MACF1: variants seen among roughly 807,000 people sequenced by gnomAD.
MACF1 encodes microtubule-actin cross-linking factor 1.
Under a neutral mutation model 854.8 loss-of-function variants are expected in MACF1, and 193 were observed. That is an observed-to-expected ratio of 0.23 (90% CI 0.20 to 0.25). The LOEUF is 0.25. Among genes scored for constraint, MACF1 ranks in the 10% least tolerant of loss-of-function variants. The pLI is 1.00. For missense variants in MACF1, 7,722 were observed against 8,929.1 expected, an observed-to-expected ratio of 0.86 and a Z score of 5.45; for synonymous variants, 3,185 against 3,226.7, an observed-to-expected ratio of 0.99 and a Z score of 0.44.
At position 39,293,728 on chromosome 1, in the gene MACF1, A is replaced by G. The variant is rs1223923835; in HGVS notation, c.2154+109A>G. 7.2e-5 allele frequency: 73 copies of G among 1,020,118 alleles called. No individual in the cohort carries two copies. In the South Asian group the frequency reaches 1.3e-3, roughly 18 times the overall value. 63.2% of individuals were successfully genotyped at this position (1,020,118 alleles called of 1,614,324 possible). A position where few individuals can be genotyped will look rare whatever the true frequency, so the allele number is the denominator to read the frequency against. On this transcript the variant is annotated intron_variant, in intron 18 of 100. Transcript: ENST00000564288. ...TGGCTGGAGTTGCACTCTGCTAGAT[A>G]GAAATAGGGGCCCTACTCAATGCAT...
intron 89 of MACF1, chr1:39,456,980 TCCTTTTTAG>T (rs1393656431): frequency 2.0e-5 from 3 of 152,332 alleles, no homozygotes. Context: ...CTCTGACCGT[TCCTTTTTAG>T]CCTTTTTAGC....
intron 58 of MACF1, among the ~76,000 whole-genome samples, chr1:39,398,449 T>C (rs1642357445): frequency 6.6e-6 from 1 of 151,990 alleles, no homozygotes; most frequent in African/African-American, 2.4e-5. Flanking sequence ...CAGAGACATT[T>C]TTTATTGTTA....
At chr1:39,450,833 G>A (rs1268629087) in intron 84 of MACF1, among the ~76,000 whole-genome samples, 8 of 151,758 alleles carry the variant, frequency 5.3e-5, no homozygotes, top group African/African-American at 9.7e-5. Context: ...GGATGGTCTC[G>A]ATCTCCTGAC....
At position 39,292,041 on chromosome 1, in the gene MACF1, G is replaced by T; in HGVS notation, c.1914+3G>T. The T allele has an allele frequency of 1.2e-6, 2 of 1,613,664 alleles. No individual in the cohort carries two copies. The highest frequency in any genetic ancestry group is 1.3e-5 in the African/African-American group (1 of 75,044). ...TCAAGGAGGCCAGGTTGTATGAGGT[G>T]CGTAGCCTTCAGAATCCACATTACA... is the stretch of plus-strand genomic sequence containing the variant. On this transcript the variant is annotated splice_donor_region_variant and intron_variant, in intron 16 of 100. Transcript: ENST00000564288.
rs1159780460 is a variant in MACF1, at chr1:39,334,561, G to C, written c.7973G>C (p.Gly2658Ala). ...EVIPFSDIKDGVSDKVLTLSQ... is the reference protein window; with the variant it reads ...EVIPFSDIKDAVSDKVLTLSQ... ...ATTCCCTTCTCAGACATTAAAGATG[G>C]GGTGAGCGACAAAGTGCTTACATTG... Residue 2658 changes from glycine (G) to alanine (A), a missense_variant, in exon 37 of 101, where the codon GGG (glycine) becomes GCG (alanine). Transcript: ENST00000564288. 1 of 1,614,108 alleles carries C rather than the reference G, an allele frequency of 6.2e-7. No individual in the cohort carries two copies. The highest frequency in any genetic ancestry group is 1.1e-5 in the South Asian group (1 of 91,070).
At chr1:39,195,750 A>G (rs898448658) in intron 2 of MACF1, among the ~76,000 whole-genome samples, 1 of 152,190 alleles carries the variant, frequency 6.6e-6, no homozygotes, top group Non-Finnish European at 1.5e-5. Flanking sequence ...TAATTTGCTG[A>G]TAGGGAGAAA....
chr1:39,473,506 A>G (rs1158973803), intron 97 of MACF1, among the ~76,000 whole-genome samples: 2 of 152,230 alleles, frequency 1.3e-5, no homozygotes, highest in Non-Finnish European at 2.9e-5. Flanking sequence ...ATGAAAATTC[A>G]TGGATTTGCA....
At chr1:39,456,605 T>G (rs1160674320) in intron 89 of MACF1, 1 of 152,252 alleles carries the variant, frequency 6.6e-6, no homozygotes, top group Non-Finnish European at 1.5e-5. Context: ...GTACCTCCTC[T>G]CTGAGAGATT....
rs1404752211 is a variant in MACF1 at position 39,479,801 on chromosome 1, G to A, written c.21962G>A (p.Arg7321Gln). 3.1e-6 allele frequency: 5 copies of A among 1,613,636 alleles called. No homozygotes were observed. The highest frequency in any genetic ancestry group is 1.1e-5 in the South Asian group (1 of 91,066). Residue 7321 changes from arginine to glutamine, a missense_variant, in exon 98 of 101, where the codon CGA (arginine) becomes CAA (glutamine). Physicochemically the swap from Arg to Gln is conservative, Grantham distance 43. This residue lies in a region of MACF1 where 153 missense variants were observed against 342.5 expected (regional missense o/e 0.45). Coordinates refer to ENST00000564288, the MANE Select transcript of MACF1 (RefSeq NM_001394062.1). ...TGTGTGTTTATTTCCTTTTTAGCACGAGGTAGAACTAACATTGAACTTAGA... is the reference window on the plus strand; with the variant it reads ...TGTGTGTTTATTTCCTTTTTAGCACAAGGTAGAACTAACATTGAACTTAGA... ...SSISSQSPIARGRTNIELREK... is the reference protein window; with the variant it reads ...SSISSQSPIAQGRTNIELREK...
At chr1:39,167,929 A>G (rs144037120) in intron 2 of MACF1, among the ~76,000 whole-genome samples, 5 of 151,982 alleles carry the variant, frequency 3.3e-5, no homozygotes, top group Non-Finnish European at 5.9e-5. Context: ...TTTATGTTGA[A>G]TGTTAGCTGG....
Position 39,400,197 on chromosome 1 carries a change from C to G in MACF1, c.15816+11539C>G, listed in dbSNP as rs368996319. ...TGACAGTTTGGTGTAGTGAAAAAAA[C>G]TGAATACAAGTTCTAGTCAGAAGTA... On this transcript the variant is annotated intron_variant, in intron 58 of 100. Transcript: ENST00000564288. Among the ~76,000 whole-genome samples the G allele has an allele frequency of 6.2e-4, 94 of 152,310 alleles. 2 individuals are homozygous for G. In the South Asian group the frequency reaches 0.019, roughly 30 times the overall value.
At position 39,250,072 on chromosome 1, in the gene MACF1, C is replaced by G. The variant is rs140873304; in HGVS notation, c.230C>G (p.Ser77Cys). 6.2e-6 allele frequency: 10 copies of G among 1,613,716 alleles called. No individual in the cohort carries two copies. Among genetic ancestry groups the G allele is most frequent in the Middle Eastern group, 1.6e-4 (1 of 6,084 alleles). The change falls in exon 3 of 101, where the codon TCT becomes TGT. Residue 77 changes from serine (S) to cysteine (C), a missense_variant. By Grantham distance (112) the Ser-to-Cys change is moderately radical. Transcript: ENST00000564288. ...EDLRDGHNLI[S>C]LLEVLSGIKL... ...CTGCGGGATGGCCATAACCTGATCTCTCTGTTGGAGGTCCTCTCAGGCATC... is the reference window on the plus strand; with the variant it reads ...CTGCGGGATGGCCATAACCTGATCTGTCTGTTGGAGGTCCTCTCAGGCATC...
chr1:39,268,135 G>A (rs1050979612), intron 6 of MACF1, among the ~76,000 whole-genome samples: 7 of 152,064 alleles, frequency 4.6e-5, no homozygotes, highest in Non-Finnish European at 5.9e-5. Context: ...GTTCTTCTTG[G>A]CCCGGGCCCT....
At chr1:39,481,726 G>A (rs1384188623) in intron 99 of MACF1, among the ~76,000 whole-genome samples, 1 of 152,228 alleles carries the variant, frequency 6.6e-6, no homozygotes, top group Admixed American at 6.5e-5. Context: ...ACATGGACTA[G>A]TGGCTTGTCT....
chr1:39,429,682 C>A, intron 64 of MACF1, 145 bp from the exon 65 acceptor site: 1 of 761,070 alleles, frequency 1.3e-6, no homozygotes, highest in Non-Finnish European at 2.2e-6. Context: ...TTCCCATTTG[C>A]CCTTAGTATG....
At chr1:39,436,346 C>A in intron 70 of MACF1, 1 of 836,328 alleles carries the variant, frequency 1.2e-6, no homozygotes, top group South Asian at 1.5e-5. Context: ...TGTACTTACT[C>A]AAGTTTCTCC....
chr1:39,254,406 C>T (rs1360054229), intron 5 of MACF1, 31 bp downstream of exon 5: 11 of 1,603,054 alleles, frequency 6.9e-6, no homozygotes, highest in Non-Finnish European at 9.4e-6. Flanking sequence ...CCCCATTCTT[C>T]CAGGCTGTGT....
At position 39,123,200 on chromosome 1, in the gene MACF1, T is replaced by A. The variant is rs554006892; in HGVS notation, c.220+38762T>A. ...ATAGCTTGTTAGATACATATATATA[T>A]AAATTTTTTTTTTTTTTTTTTTTTT... On this transcript the variant is annotated intron_variant, in intron 2 of 93. Coordinates refer to the MACF1 transcript ENST00000361689. Among the ~76,000 whole-genome samples the A allele has an allele frequency of 3.5e-5, 4 of 114,996 alleles. No homozygotes were observed. The East Asian group carries it at 8.5e-4, about 24-fold the overall frequency. The allele number at this position is 114,996 out of a possible 152,430, so 75.4% of individuals were successfully genotyped here.
intron 51 of MACF1, among the ~76,000 whole-genome samples, chr1:39,371,360 T>C (rs186061058): frequency 3.9e-4 from 58 of 149,172 alleles, no homozygotes; most frequent in Admixed American, 1.5e-3. Flanking sequence ...ATTAAAGAAC[T>C]GACAAGCAGT....
Sources: allele counts gnomAD v4.1 joint callset (sites outside exome capture counted in the v4.1 genomes callset), GRCh38; gene constraint gnomAD v4.1.1; regional missense constraint gnomAD v4.1.1; transcripts MANE v1.5; gene names NCBI Gene and HGNC (gene_info 2026-07-23, HGNC 2026-07-21).